EZR: variants seen among roughly 807,000 people sequenced by gnomAD.
EZR encodes the protein cytovillin 2.
A neutral mutation model predicts 74.8 loss-of-function variants in EZR; 40 were observed. The ratio of observed to expected loss-of-function variants is 0.53; its 90% CI spans 0.42 to 0.70. EZR has a LOEUF of 0.70. EZR is among the 30% of genes least tolerant of loss of function. The pLI is 0.00. For missense variants in EZR, 678 were observed against 755.8 expected (o/e 0.90, Z 1.21); for synonymous variants, 341 against 283.3 (o/e 1.20, Z -2.05).
rs1777259703 is a variant in EZR, at chr6:158,803,610, T to TAC, written c.13-14240_13-14239insGT. ...ATATATATATATATATATATACATA[T>TAC]ATATATATATATATACATATACATA... On this transcript the variant is annotated intron_variant, in intron 2 of 13. Transcript: ENST00000367075. 1.1e-4 allele frequency among the ~76,000 whole-genome samples: 2 copies of TAC among 17,998 alleles called. 1 individual carries two copies. The highest frequency in any genetic ancestry group is 3.9e-4 in the African/African-American group (2 of 5,066). The allele number at this position is 17,998 out of a possible 152,430, so 11.8% of individuals were successfully genotyped here.
intron 2 of EZR, among the ~76,000 whole-genome samples, chr6:158,798,059 CAG>C (rs1392306952): frequency 4.6e-5 from 7 of 152,184 alleles, no homozygotes; most frequent in African/African-American, 1.2e-4. Flanking sequence ...CTGGACATTT[CAG>C]AGAGACAGAA....
chr6:158,809,951 G>A (rs1364178426), intron 2 of EZR, among the ~76,000 whole-genome samples: 1 of 152,152 alleles, frequency 6.6e-6, no homozygotes, highest in Non-Finnish European at 1.5e-5. Context: ...CCATCCTAAA[G>A]TAAAAACAAT....
chr6:158,776,585 C>T (rs1369539135), intron 7 of EZR, 81 bp from the exon 8 acceptor site: 3 of 944,412 alleles, frequency 3.2e-6, no homozygotes, highest in Admixed American at 2.5e-5. Flanking sequence ...CAAATCAATT[C>T]TTATTAGTTC....
chr6:158,817,700 G>T (rs773756353), intron 2 of EZR, among the ~76,000 whole-genome samples: 1 of 152,138 alleles, frequency 6.6e-6, no homozygotes, highest in Non-Finnish European at 1.5e-5. Flanking sequence ...TCTGAGAACT[G>T]GTGTGTGTGG....
At chr6:158,813,889 A>G (rs959269517) in intron 2 of EZR, among the ~76,000 whole-genome samples, 3 of 151,866 alleles carry the variant, frequency 2.0e-5, no homozygotes. Flanking sequence ...CCTGAACACA[A>G]TCCCCTTTTC....
chr6:158,770,022 C>A lies in EZR; in HGVS notation c.1091-78G>T, dbSNP rs1012894562. 5 of 1,569,564 alleles carry A rather than the reference C, an allele frequency of 3.2e-6. No homozygotes were observed. The African/African-American group carries it at 5.4e-5, about 17-fold the overall frequency. ...AGCCCTCGCTTTCCATTCCCACCCC[C>A]AAAGCCACAGAGCCCTAGACCAAGT... On this transcript the variant is annotated intron_variant, in intron 10 of 13. Coordinates refer to ENST00000367075, the MANE Select transcript of EZR (RefSeq NM_001111077.2).
At position 158,774,528 on chromosome 6, in the gene EZR, C is replaced by T. The variant is rs117474005; in HGVS notation, c.795+1880G>A. Among the ~76,000 whole-genome samples, 1,413 of 151,844 alleles carry T rather than the reference C, an allele frequency of 9.3e-3. 21 individuals carry two copies. The highest frequency in any genetic ancestry group is 0.026 in the South Asian group (124 of 4,814). Reference sequence around the variant, plus strand: ...AGTGCCTGGGACAGCGTGCCACCAGCGAATGTTTCTTTTGCTTACGAGATG... The same window carrying T: ...AGTGCCTGGGACAGCGTGCCACCAGTGAATGTTTCTTTTGCTTACGAGATG... On this transcript the variant is annotated intron_variant, in intron 8 of 13. Coordinates refer to ENST00000367075, the MANE Select transcript of EZR (RefSeq NM_001111077.2).
intron 10 of EZR, among the ~76,000 whole-genome samples, 162 bp downstream of exon 10, chr6:158,770,602 T>TG (rs893176774): frequency 6.6e-6 from 1 of 152,188 alleles, no homozygotes; most frequent in Non-Finnish European, 1.5e-5. Flanking sequence ...AGTACAGAAC[T>TG]GTTTTCCAAA....
intron 2 of EZR, among the ~76,000 whole-genome samples, chr6:158,800,507 T>C (rs1312136529): frequency 1.3e-5 from 2 of 152,182 alleles, no homozygotes; most frequent in Non-Finnish European, 2.9e-5. Context: ...ACAGTATAAA[T>C]ACATGACGCT....
At chr6:158,815,393 A>C (rs1562509675) in intron 2 of EZR, among the ~76,000 whole-genome samples, 2 of 152,104 alleles carry the variant, frequency 1.3e-5, no homozygotes, top group Admixed American at 1.3e-4. Context: ...TATCTCTAAG[A>C]CCCTCCTCTG....
chr6:158,798,169 T>C (rs1004455411), intron 2 of EZR, among the ~76,000 whole-genome samples: 24 of 151,670 alleles, frequency 1.6e-4, no homozygotes, highest in African/African-American at 5.8e-4. Context: ...CTTCATTCTT[T>C]TTTTACTGCC....
chr6:158,782,347 C>A (rs1350602135), intron 7 of EZR, among the ~76,000 whole-genome samples: 1 of 152,164 alleles, frequency 6.6e-6, no homozygotes, highest in African/African-American at 2.4e-5. Context: ...GAAAGCAGCA[C>A]CACTCCCTTT....
chr6:158,766,848 ACAAGCGTG>A lies in EZR; in HGVS notation c.*58_*65del. 1 of 1,382,678 alleles carries A rather than the reference ACAAGCGTG, an allele frequency of 7.2e-7. No homozygotes were observed. The highest frequency in any genetic ancestry group is 1.2e-5 in the South Asian group (1 of 80,404). 85.7% of individuals were successfully genotyped at this position (1,382,678 alleles called of 1,614,324 possible). A position where few individuals can be genotyped will look rare whatever the true frequency, so the allele number is the denominator to read the frequency against. On this transcript the variant is annotated 3_prime_UTR_variant, in exon 14 of 14. Coordinates refer to ENST00000367075, the MANE Select transcript of EZR (RefSeq NM_001111077.2). ...TTCCTAGACTTGGAGCACTAAAGAC[ACAAGCGTG>A]GCGGGGCTGGCAGCGCCCGCTATGA...
chr6:158,803,640 TATATATATATATAC>T (rs1383313369), intron 2 of EZR, among the ~76,000 whole-genome samples: 1 of 48,958 alleles, frequency 2.0e-5, no homozygotes, highest in African/African-American at 5.8e-5. Context: ...TACATACATA[TATATATATATATAC>T]ATATATATAT....
chr6:158,769,521 C>T (rs919000481), intron 11 of EZR, 103 bp from the exon 12 acceptor site: 1 of 1,200,962 alleles, frequency 8.3e-7, no homozygotes, highest in Non-Finnish European at 1.2e-6. Context: ...TCCAACGTGA[C>T]ACCTGAGTCC....
chr6:158,785,142 C>A (rs902512017), intron 5 of EZR, among the ~76,000 whole-genome samples, 167 bp downstream of exon 5: 3 of 152,208 alleles, frequency 2.0e-5, no homozygotes, highest in Middle Eastern at 3.2e-3. Flanking sequence ...GCTCGCCTTC[C>A]CTGGCTATGT....
chr6:158,785,225 T>TA, intron 5 of EZR, 84 bp downstream of exon 5: 1 of 1,546,910 alleles, frequency 6.5e-7, no homozygotes, highest in Non-Finnish European at 8.8e-7. Flanking sequence ...CTTGTGTTTT[T>TA]AAACTGTGCT....
At chr6:158,794,282 C>G (rs1777010375) in intron 2 of EZR, among the ~76,000 whole-genome samples, 1 of 152,228 alleles carries the variant, frequency 6.6e-6, no homozygotes, top group Admixed American at 6.5e-5. Context: ...CTCAAAACCA[C>G]CACAACCACC....
intron 5 of EZR, 126 bp from the exon 6 acceptor site, chr6:158,784,853 G>A (rs1445099019): frequency 2.7e-6 from 2 of 745,996 alleles, no homozygotes; most frequent in Non-Finnish European, 4.5e-6. Context: ...AAAGAGCTTT[G>A]GTTTCTATTT....
Sources: gnomAD v4.1 joint callset for allele counts (sites outside exome capture counted in the v4.1 genomes callset) on GRCh38, gnomAD v4.1.1 for gene constraint, MANE v1.5 for transcripts, NCBI Gene and HGNC (gene_info 2026-07-23, HGNC 2026-07-21) for gene names.